Variants in RORA observed in about 807,000 individuals in gnomAD.
RORA encodes RAR related orphan receptor A.
In RORA, 7 loss-of-function variants were observed where a neutral mutation model predicts 69.5. That is an observed-to-expected ratio of 0.10 (90% CI 0.06 to 0.19). The LOEUF (loss-of-function observed/expected upper bound fraction) is 0.19, where lower values mean the gene tolerates loss of function less well. RORA is among the 10% of genes least tolerant of loss of function. The pLI is 1.00. For synonymous variants in RORA, 261 were observed against 240.8 expected (o/e 1.08, Z -0.78); for missense variants, 457 against 663.0 (o/e 0.69, Z 3.41).
intron 2 of RORA, among the ~76,000 whole-genome samples, chr15:60,622,452 A>C (rs1383906037): frequency 6.6e-6 from 1 of 151,944 alleles, no homozygotes; most frequent in Non-Finnish European, 1.5e-5. Context: ...TCTTTACTAA[A>C]AATACAAAAA....
intron 2 of RORA, chr15:60,593,377 A>C (rs1163827911): frequency 6.6e-6 from 1 of 152,370 alleles, no homozygotes; most frequent in Non-Finnish European, 1.5e-5. Flanking sequence ...ACCCATCTAC[A>C]AGTAGGAAAA....
intron 2 of RORA, among the ~76,000 whole-genome samples, chr15:60,625,725 A>G (rs2069558208): frequency 6.6e-6 from 1 of 152,246 alleles, no homozygotes; most frequent in Admixed American, 6.5e-5. Flanking sequence ...AAACAGATAT[A>G]TTTGAATATG....
chr15:60,745,134 C>A (rs1595679412), intron 1 of RORA, among the ~76,000 whole-genome samples: 1 of 152,236 alleles, frequency 6.6e-6, no homozygotes. Flanking sequence ...AAAATTAACT[C>A]TACTCAGCCC....
intron 1 of RORA, among the ~76,000 whole-genome samples, chr15:60,924,061 G>T (rs893084849): frequency 2.0e-5 from 3 of 152,202 alleles, no homozygotes; most frequent in Non-Finnish European, 2.9e-5. Flanking sequence ...AACTTCCCAA[G>T]TGGGTGAAAC....
At chr15:61,134,271 AG>A (rs2079217090) in intron 1 of RORA, among the ~76,000 whole-genome samples, 1 of 152,204 alleles carries the variant, frequency 6.6e-6, no homozygotes, top group Non-Finnish European at 1.5e-5. Flanking sequence ...CACTAAGGAA[AG>A]TTTCCTCATC....
intron 1 of RORA, among the ~76,000 whole-genome samples, chr15:60,760,472 T>C (rs1328640271): frequency 6.6e-6 from 1 of 152,160 alleles, no homozygotes; most frequent in Non-Finnish European, 1.5e-5. Flanking sequence ...TGTGAGAACT[T>C]TGGGAGGATG....
chr15:60,896,956 G>C (rs989010942), intron 1 of RORA, among the ~76,000 whole-genome samples: 6 of 152,138 alleles, frequency 3.9e-5, no homozygotes, highest in African/African-American at 1.4e-4. Flanking sequence ...TGCTCAGGGA[G>C]AGATGGTCAG....
chr15:60,582,729 A>T (rs1420176181), intron 2 of RORA, among the ~76,000 whole-genome samples: 1 of 152,258 alleles, frequency 6.6e-6, no homozygotes, highest in African/African-American at 2.4e-5. Flanking sequence ...GTAAGAGCAC[A>T]GCCTGGGCTT....
intron 1 of RORA, among the ~76,000 whole-genome samples, chr15:60,755,331 T>C (rs563832849): frequency 2.2e-4 from 33 of 152,204 alleles, no homozygotes; most frequent in African/African-American, 7.5e-4. Context: ...TTTTTACGGC[T>C]GCATAGTATT....
chr15:61,176,063 T>C (rs752278728), intron 1 of RORA: 5 of 152,116 alleles, frequency 3.3e-5, no homozygotes, highest in Non-Finnish European at 5.9e-5. Context: ...CACACACACA[T>C]TCTTTCTTTA....
chr15:60,888,079 TCC>T (rs1444533415), intron 1 of RORA, among the ~76,000 whole-genome samples: 1 of 152,132 alleles, frequency 6.6e-6, no homozygotes, highest in African/African-American at 2.4e-5. Context: ...CTCCTCAACC[TCC>T]CCTTTGTTCA....
At chr15:60,921,102 G>C (rs1486441293) in intron 1 of RORA, among the ~76,000 whole-genome samples, 1 of 152,180 alleles carries the variant, frequency 6.6e-6, no homozygotes, top group Non-Finnish European at 1.5e-5. Context: ...TATTTGTAGA[G>C]ACAAATGGGT....
At chr15:60,839,524 G>A (rs1327510611) in intron 1 of RORA, among the ~76,000 whole-genome samples, 1 of 152,214 alleles carries the variant, frequency 6.6e-6, no homozygotes, top group Non-Finnish European at 1.5e-5. Context: ...CATATTGATA[G>A]TCTAGCTCAA....
At chr15:60,907,083 C>T (rs1480126230) in intron 1 of RORA, among the ~76,000 whole-genome samples, 2 of 152,142 alleles carry the variant, frequency 1.3e-5, no homozygotes, top group South Asian at 2.1e-4. Flanking sequence ...CACATAATCA[C>T]TTTGGGAGGG....
At chr15:60,836,460 T>C (rs1335296509) in intron 1 of RORA, among the ~76,000 whole-genome samples, 5 of 152,096 alleles carry the variant, frequency 3.3e-5, no homozygotes. Context: ...GAAGTGAAGG[T>C]CCCACAGGCT....
chr15:60,757,101 C>T (rs116989734), intron 1 of RORA, among the ~76,000 whole-genome samples: 1,879 of 152,170 alleles, frequency 0.012, 20 homozygotes, highest in Admixed American at 0.03. Flanking sequence ...AAAAAATGTT[C>T]AAATAATATA....
At chr15:61,170,527 G>C (rs543987503) in intron 1 of RORA, among the ~76,000 whole-genome samples, 1 of 152,162 alleles carries the variant, frequency 6.6e-6, no homozygotes, top group Non-Finnish European at 1.5e-5. Flanking sequence ...TAACTGAATC[G>C]CATGTGCAAG....
intron 1 of RORA, among the ~76,000 whole-genome samples, chr15:60,962,002 G>T (rs1893427911): frequency 6.6e-6 from 1 of 152,212 alleles, no homozygotes; most frequent in Non-Finnish European, 1.5e-5. Flanking sequence ...GGCAGATTCT[G>T]TTGGAACATT....
chr15:60,703,163 A>AC, intron 1 of RORA, among the ~76,000 whole-genome samples: 1 of 137,426 alleles, frequency 7.3e-6, no homozygotes, highest in African/African-American at 2.7e-5. Flanking sequence ...ACACACACAC[A>AC]ATCTCTTTTC....
Sources: allele counts gnomAD v4.1 joint callset (sites outside exome capture counted in the v4.1 genomes callset), GRCh38; gene constraint gnomAD v4.1.1; transcripts MANE v1.5; gene names NCBI Gene and HGNC (gene_info 2026-07-23, HGNC 2026-07-21).